TRIB2: variants seen among roughly 807,000 people sequenced by gnomAD.
TRIB2 encodes the protein tribbles pseudokinase 2, also known as tribbles homolog 2.
In TRIB2, 2 loss-of-function variants were observed where a neutral mutation model predicts 26.8. The ratio of observed to expected loss-of-function variants is 0.07; its 90% CI spans 0.03 to 0.24. TRIB2 has a LOEUF of 0.24. Ranked by LOEUF, TRIB2 falls within the 10% of genes least tolerant of loss-of-function variation. TRIB2 has a pLI of 1.00. For synonymous variants in TRIB2, 189 were observed against 187.3 expected, an observed-to-expected ratio of 1.01 and a Z score of -0.08; for missense variants, 306 against 449.0, an observed-to-expected ratio of 0.68 and a Z score of 2.88.
chr2:12,733,622 A>G (rs188576907), intron 2 of TRIB2, among the ~76,000 whole-genome samples: 1 of 152,304 alleles, frequency 6.6e-6, no homozygotes, highest in East Asian at 1.9e-4. Flanking sequence ...CATCTTATAG[A>G]TGCTTCACAC....
Position 12,718,301 on chromosome 2 carries a change from C to G in TRIB2, c.-7C>G. 1.9e-6 allele frequency: 3 copies of G among 1,608,000 alleles called. No homozygotes were observed. Among genetic ancestry groups the G allele is most frequent in the Non-Finnish European group, 2.6e-6 (3 of 1,174,848 alleles). On this transcript the variant is annotated 5_prime_UTR_variant, in exon 1 of 3. Coordinates refer to ENST00000155926, the MANE Select transcript of TRIB2 (RefSeq NM_021643.4). The surrounding 1 kb of genome is among the most constrained non-coding windows in gnomAD (Gnocchi z 4.0). The stretch of plus-strand genomic sequence containing the variant: ...TTTTTTGTTTGTCGTGTGCGATCCT[C>G]ACACTCATGAACATACACAGGTCTA...
At chr2:12,729,234 G>T (rs1200441140) in intron 2 of TRIB2, among the ~76,000 whole-genome samples, 1 of 152,148 alleles carries the variant, frequency 6.6e-6, no homozygotes, top group Non-Finnish European at 1.5e-5. Flanking sequence ...GATGGCCCGT[G>T]TGTGCATCTG....
Position 12,740,753 on chromosome 2 carries a change from G to C in TRIB2, c.991G>C (p.Asp331His). Reference protein sequence around the residue: ...AKEVSDQLVPDVNMEENLDPF... With the variant: ...AKEVSDQLVPHVNMEENLDPF... Reference sequence around the variant, plus strand: ...GGAAGTGTCTGACCAGCTGGTGCCGGACGTCAACATGGAAGAGAACTTGGA... The same window carrying C: ...GGAAGTGTCTGACCAGCTGGTGCCGCACGTCAACATGGAAGAGAACTTGGA... Residue 331 changes from aspartate to histidine, a missense_variant, in exon 3 of 3, where the codon GAC (aspartate) becomes CAC (histidine). Asp to His is a moderately conservative substitution (Grantham distance 81). This residue lies in a region of TRIB2 where 78 missense variants were observed against 104.9 expected (regional missense o/e 0.74). Transcript: ENST00000155926. This position sits in a 1 kb window ranked among gnomAD's most constrained non-coding sequence, Gnocchi z 5.8. 6.2e-7 allele frequency: 1 copy of C among 1,614,172 alleles called. No homozygotes were observed. Among genetic ancestry groups the C allele is most frequent in the Non-Finnish European group, 8.5e-7 (1 of 1,180,034 alleles).
intron 2 of TRIB2, among the ~76,000 whole-genome samples, chr2:12,728,431 G>A (rs906745269): frequency 2.6e-5 from 4 of 152,174 alleles, no homozygotes; most frequent in African/African-American, 9.7e-5. Flanking sequence ...AAGGAAGGTG[G>A]GTGGGGCCTT....
intron 1 of TRIB2, among the ~76,000 whole-genome samples, chr2:12,722,321 G>T (rs549173973): frequency 6.6e-6 from 1 of 152,286 alleles, no homozygotes; most frequent in Non-Finnish European, 1.5e-5. Context: ...CCTGGCTCAC[G>T]CACACACTGA....
chr2:12,735,243 A>T (rs1661542990), intron 2 of TRIB2, among the ~76,000 whole-genome samples: 1 of 152,110 alleles, frequency 6.6e-6, no homozygotes, highest in Non-Finnish European at 1.5e-5. Flanking sequence ...ATGACCTACC[A>T]AGGCCAGCAA....
intron 2 of TRIB2, chr2:12,724,589 TA>T (rs1179887447): frequency 6.3e-7 from 1 of 1,585,810 alleles, no homozygotes; most frequent in African/African-American, 1.4e-5. Flanking sequence ...TTGGAAGATT[TA>T]GAGTGTGGAA....
chr2:12,741,313 G>T lies in TRIB2; in HGVS notation c.*519G>T, dbSNP rs560832088. ...TGCACACAGACTGACATGAAACCTG[G>T]GTGCTACAGTAAAAGAAAACAAAAG... On this transcript the variant is annotated 3_prime_UTR_variant, in exon 3 of 3. Coordinates refer to ENST00000155926, the MANE Select transcript of TRIB2 (RefSeq NM_021643.4). 6.5e-6 allele frequency: 1 copy of T among 154,710 alleles called. No homozygotes were observed. The highest frequency in any genetic ancestry group is 2.4e-5 in the African/African-American group (1 of 41,514). 9.6% of individuals were successfully genotyped at this position (154,710 alleles called of 1,614,324 possible). A position where few individuals can be genotyped will look rare whatever the true frequency, so the allele number is the denominator to read the frequency against.
In TRIB2 at chr2:12,740,077, A is replaced by G. The variant is rs1363682819; in HGVS notation, c.564-249A>G. On this transcript the variant is annotated intron_variant, in intron 2 of 2. Transcript: ENST00000155926. This position sits in a 1 kb window ranked among gnomAD's most constrained non-coding sequence, Gnocchi z 5.8. ...AAGGTGCTCAAGGTTTGAGCTCCCCAGTGGATTATCAGCTGCATGAAAAGA... is the reference window on the plus strand; with the variant it reads ...AAGGTGCTCAAGGTTTGAGCTCCCCGGTGGATTATCAGCTGCATGAAAAGA... Among the ~76,000 whole-genome samples, 12 of 152,212 alleles carry G rather than the reference A, an allele frequency of 7.9e-5. No homozygotes were observed.
In TRIB2 at chr2:12,740,365, T is replaced by C. The variant is rs1661687405; in HGVS notation, c.603T>C (p.Ile201=). The change falls in exon 3 of 3, where the codon ATT becomes ATC. Residue 201 remains isoleucine (I), a synonymous_variant. Coordinates refer to ENST00000155926, the MANE Select transcript of TRIB2 (RefSeq NM_021643.4). The surrounding 1 kb of genome is among the most constrained non-coding windows in gnomAD (Gnocchi z 5.8). The stretch of plus-strand genomic sequence containing the variant: ...TGGAAAGCCTGGAAGACGCCTACAT[T>C]CTGCGGGGAGATGATGATTCCCTCT... The part of the protein sequence containing the change: ...VKLESLEDAY[I]LRGDDDSLSD... 18 of 1,614,166 alleles carry C rather than the reference T, an allele frequency of 1.1e-5. No individual in the cohort carries two copies. Among genetic ancestry groups the C allele is most frequent in the Non-Finnish European group, 1.5e-5 (18 of 1,180,018 alleles).
At chr2:12,729,929 T>G (rs913562785) in intron 2 of TRIB2, among the ~76,000 whole-genome samples, 1 of 152,220 alleles carries the variant, frequency 6.6e-6, no homozygotes, top group Non-Finnish European at 1.5e-5. Context: ...CCTGGTGCAC[T>G]GCAGCTACTT....
intron 2 of TRIB2, among the ~76,000 whole-genome samples, chr2:12,739,153 G>A (rs1342248860): frequency 1.3e-5 from 2 of 152,198 alleles, no homozygotes; most frequent in African/African-American, 4.8e-5. Flanking sequence ...GACAGAAGAT[G>A]TGGGTGACCT....
Position 12,732,440 on chromosome 2 carries a change from G to T in TRIB2, c.564-7886G>T, listed in dbSNP as rs1262872621. On this transcript the variant is annotated intron_variant, in intron 2 of 2. Coordinates refer to ENST00000155926, the MANE Select transcript of TRIB2 (RefSeq NM_021643.4). This position sits in a 1 kb window ranked among gnomAD's most constrained non-coding sequence, Gnocchi z 4.2. Reference sequence around the variant, plus strand: ...GTGTGGTGTTGTAAGGTCACAAGAGGCATATTCTCTCCCTATAGACATCTC... The same window carrying T: ...GTGTGGTGTTGTAAGGTCACAAGAGTCATATTCTCTCCCTATAGACATCTC... Among the ~76,000 whole-genome samples, 1 of 152,258 alleles carries T rather than the reference G, an allele frequency of 6.6e-6. No individual in the cohort carries two copies. The highest frequency in any genetic ancestry group is 2.4e-5 in the African/African-American group (1 of 41,538).
At position 12,740,677 on chromosome 2, in the gene TRIB2, T is replaced by C; in HGVS notation, c.915T>C (p.His305=). 1 of 1,614,168 alleles carries C rather than the reference T, an allele frequency of 6.2e-7. No individual in the cohort carries two copies. Among genetic ancestry groups the C allele is most frequent in the Non-Finnish European group, 8.5e-7 (1 of 1,180,036 alleles). The change falls in exon 3 of 3, where the codon CAT becomes CAC. Residue 305 remains histidine, a synonymous_variant. Transcript: ENST00000155926. The surrounding 1 kb of genome is among the most constrained non-coding windows in gnomAD (Gnocchi z 5.8). ...ERLTSQEILD[H]PWFSTDFSVS... ...TGACCTCGCAGGAAATTCTGGACCA[T>C]CCTTGGTTTTCTACAGATTTTAGCG...
Position 12,718,790 on chromosome 2 carries a change from G to C in TRIB2, c.270+213G>C, listed in dbSNP as rs1008149046. The stretch of plus-strand genomic sequence containing the variant: ...CGGGCGGCAGTGGGGGCGTTTCGGG[G>C]AGAGCCCGGGGAGGAGAGGGCGGCG... On this transcript the variant is annotated intron_variant, in intron 1 of 2. Coordinates refer to ENST00000155926, the MANE Select transcript of TRIB2 (RefSeq NM_021643.4). The surrounding 1 kb of genome is among the most constrained non-coding windows in gnomAD (Gnocchi z 4.0). 2.6e-5 allele frequency among the ~76,000 whole-genome samples: 4 copies of C among 152,144 alleles called. No individual in the cohort carries two copies. Among genetic ancestry groups the C allele is most frequent in the Non-Finnish European group, 5.9e-5 (4 of 68,038 alleles).
Position 12,738,816 on chromosome 2 carries a change from A to G in TRIB2, c.564-1510A>G, listed in dbSNP as rs539065650. The stretch of plus-strand genomic sequence containing the variant: ...CGCATCCTGGCCCTCACAGTAGATT[A>G]GGTATAGTTAATGATAAGAATTCAA... On this transcript the variant is annotated intron_variant, in intron 2 of 2. Transcript: ENST00000155926. Among the ~76,000 whole-genome samples, 4 of 152,310 alleles carry G rather than the reference A, an allele frequency of 2.6e-5. No individual in the cohort carries two copies. The South Asian group carries it at 8.3e-4, about 32-fold the overall frequency.
chr2:12,740,055 G>A lies in TRIB2; in HGVS notation c.564-271G>A, dbSNP rs527447720. On this transcript the variant is annotated intron_variant, in intron 2 of 2. Transcript: ENST00000155926. The surrounding 1 kb of genome is among the most constrained non-coding windows in gnomAD (Gnocchi z 5.8). ...ATGATGTGATTCATGGTTCGCTAAG[G>A]TGCTCAAGGTTTGAGCTCCCCAGTG... 6.6e-6 allele frequency among the ~76,000 whole-genome samples: 1 copy of A among 152,154 alleles called. No homozygotes were observed.
In TRIB2 at chr2:12,740,319, C is replaced by T. The variant is rs368512058; in HGVS notation, c.564-7C>T. On this transcript the variant is annotated splice_region_variant and splice_polypyrimidine_tract_variant and intron_variant, in intron 2 of 2. Transcript: ENST00000155926. The surrounding 1 kb of genome is among the most constrained non-coding windows in gnomAD (Gnocchi z 5.8). Reference sequence around the variant, plus strand: ...TCAGGAGCTTATGTTTTCCTCCTTTCTTGCAGGACTCGGGTCAAGCTGGAA... The same window carrying T: ...TCAGGAGCTTATGTTTTCCTCCTTTTTTGCAGGACTCGGGTCAAGCTGGAA... 1.5e-5 allele frequency: 24 copies of T among 1,610,902 alleles called. No homozygotes were observed. Among genetic ancestry groups the T allele is most frequent in the Middle Eastern group, 1.6e-4 (1 of 6,070 alleles).
Position 12,740,647 on chromosome 2 carries a change from G to A in TRIB2, c.885G>A (p.Glu295=). 6.2e-7 allele frequency: 1 copy of A among 1,614,198 alleles called. No individual in the cohort carries two copies. Among genetic ancestry groups the A allele is most frequent in the Non-Finnish European group, 8.5e-7 (1 of 1,180,032 alleles). ...IRSILRREPS[E]RLTSQEILDH... ...GCATTCTGCGTCGGGAGCCCTCAGA[G>A]CGGCTGACCTCGCAGGAAATTCTGG... Residue 295 remains glutamate, a synonymous_variant, in exon 3 of 3, where the codon GAG becomes GAA. Coordinates refer to ENST00000155926, the MANE Select transcript of TRIB2 (RefSeq NM_021643.4). The surrounding 1 kb of genome is among the most constrained non-coding windows in gnomAD (Gnocchi z 5.8).
Sources: allele counts gnomAD v4.1 joint callset (sites outside exome capture counted in the v4.1 genomes callset), GRCh38; gene constraint gnomAD v4.1.1; regional missense constraint gnomAD v4.1.1; non-coding constraint Gnocchi (gnomAD v3.1); transcripts MANE v1.5; gene names NCBI Gene and HGNC (gene_info 2026-07-23, HGNC 2026-07-21).